The following DCST1 variants were observed in gnomAD, a reference collection of about 807,000 sequenced individuals.
DCST1 encodes the protein E3 ubiquitin-protein ligase DCST1.
In DCST1, 78 loss-of-function variants were observed where a neutral mutation model predicts 89.1. The observed-to-expected ratio is 0.88, with a 90% CI of 0.73 to 1.06. The LOEUF is 1.06. DCST1 is among the 50% of genes least tolerant of loss of function. The pLI is 0.00. For missense variants in DCST1, 900 were observed against 928.6 expected, an observed-to-expected ratio of 0.97 and a Z score of 0.40; for synonymous variants, 364 against 371.9, an observed-to-expected ratio of 0.98 and a Z score of 0.24.
At chr1:155,034,178 C>A (rs1660193778) in intron 2 of DCST1, 81 bp downstream of exon 2, 2 of 1,579,864 alleles carry the variant, frequency 1.3e-6, no homozygotes, top group Admixed American at 3.4e-5. Flanking sequence ...TGCACACTAT[C>A]CCCCAACTCG....
chr1:155,047,565 C>T (rs1391325121), intron 14 of DCST1, among the ~76,000 whole-genome samples: 1 of 152,244 alleles, frequency 6.6e-6, no homozygotes, highest in Non-Finnish European at 1.5e-5. Flanking sequence ...CAGAGCAGCA[C>T]TGTCCAACAG....
chr1:155,048,665 C>T (rs1660743337), intron 16 of DCST1, among the ~76,000 whole-genome samples: 1 of 152,194 alleles, frequency 6.6e-6, no homozygotes, highest in African/African-American at 2.4e-5. Context: ...AAGGTCAGGG[C>T]TGTGCCCGTT....
At chr1:155,040,245 A>G (rs534562897) in intron 5 of DCST1, among the ~76,000 whole-genome samples, 1 of 145,734 alleles carries the variant, frequency 6.9e-6, no homozygotes, top group Admixed American at 6.9e-5. Flanking sequence ...GGAGGTTGCA[A>G]TGAGCAGAGA....
chr1:155,042,713 G>C, intron 8 of DCST1, 22 bp from the exon 9 acceptor site: 2 of 1,613,904 alleles, frequency 1.2e-6, no homozygotes, highest in Non-Finnish European at 1.7e-6. Flanking sequence ...GGAGGCCCCT[G>C]ACCCCGTCCA....
Position 155,046,239 on chromosome 1 carries a change from G to A in DCST1, c.1368+19G>A, listed in dbSNP as rs747309106. The A allele has an allele frequency of 3.7e-6, 6 of 1,614,102 alleles. No individual in the cohort carries two copies. The Admixed American group carries it at 6.7e-5, about 18-fold the overall frequency. On this transcript the variant is annotated intron_variant, in intron 12 of 16. Coordinates refer to ENST00000295542, the MANE Select transcript of DCST1 (RefSeq NM_152494.4). Reference sequence around the variant, plus strand: ...CAATGTGGTGAGGACAGCATGGGGAGCGGACTCCTGGGTGCAAAGACAGGC... The same window carrying A: ...CAATGTGGTGAGGACAGCATGGGGAACGGACTCCTGGGTGCAAAGACAGGC...
At chr1:155,047,613 C>G (rs983199392) in intron 14 of DCST1, among the ~76,000 whole-genome samples, 174 bp from the exon 15 acceptor site, 1 of 152,222 alleles carries the variant, frequency 6.6e-6, no homozygotes. Context: ...AGATCTGTGC[C>G]ACATTGGGCC....
At chr1:155,035,628 TA>T (rs1042601839) in intron 4 of DCST1, among the ~76,000 whole-genome samples, 1 of 151,192 alleles carries the variant, frequency 6.6e-6, no homozygotes, top group Admixed American at 6.6e-5. Flanking sequence ...CAGAAAAAAA[TA>T]AAAAAAGAGG....
chr1:155,043,293 T>C (rs1660490698), intron 9 of DCST1, 59 bp from the exon 10 acceptor site: 1 of 1,611,390 alleles, frequency 6.2e-7, no homozygotes, highest in Non-Finnish European at 8.5e-7. Context: ...CATGAAGAGG[T>C]GGGACCCAGG....
intron 4 of DCST1, among the ~76,000 whole-genome samples, chr1:155,036,494 C>A (rs184628679): frequency 0.027 from 4,165 of 152,318 alleles, 185 homozygotes; most frequent in African/African-American, 0.095. Flanking sequence ...CCCTCCCCAT[C>A]CCTTGCGCCC....
chr1:155,042,852 T>A lies in DCST1; in HGVS notation c.1010T>A (p.Phe337Tyr). Residue 337 changes from phenylalanine to tyrosine, a missense_variant, in exon 9 of 17, where the codon TTC becomes TAC. Coordinates refer to ENST00000295542, the MANE Select transcript of DCST1 (RefSeq NM_152494.4). Reference sequence around the variant, plus strand: ...GGGGAATTTTCAGCCAATATTGACTTCAAGGTAGAAGGCAAGGGCGAGGGT... The same window carrying A: ...GGGGAATTTTCAGCCAATATTGACTACAAGGTAGAAGGCAAGGGCGAGGGT... ...LDGEFSANIDFKEEKQAGVLG... is the reference protein window; with the variant it reads ...LDGEFSANIDYKEEKQAGVLG... 1.2e-6 allele frequency: 2 copies of A among 1,614,050 alleles called. No homozygotes were observed. Among genetic ancestry groups the A allele is most frequent in the East Asian group, 4.5e-5 (2 of 44,868 alleles).
In DCST1 at chr1:155,048,880, G is replaced by C. The variant is rs1660751773; in HGVS notation, c.1869+710G>C. The stretch of plus-strand genomic sequence containing the variant: ...GCAGTTCAAGGGACAGGAGGAGGCA[G>C]GTGGGCTGGGAGTCAGGAAGGCCTC... On this transcript the variant is annotated intron_variant, in intron 16 of 16. Transcript: ENST00000295542. 1.1e-5 allele frequency: 7 copies of C among 624,354 alleles called. No homozygotes were observed. The South Asian group carries it at 1.3e-4, about 12-fold the overall frequency. 38.7% of individuals were successfully genotyped at this position (624,354 alleles called of 1,614,324 possible).
chr1:155,038,083 T>C (rs1366301386), intron 4 of DCST1, among the ~76,000 whole-genome samples: 1 of 151,888 alleles, frequency 6.6e-6, no homozygotes, highest in Non-Finnish European at 1.5e-5. Flanking sequence ...CCCGACAGGG[T>C]TTGCCACAAA....
Position 155,046,448 on chromosome 1 carries a change from C to A in DCST1, c.1457C>A (p.Thr486Asn). Reference sequence around the variant, plus strand: ...TGGGCTCTCTACTCCATCTTCGACACCATCCGCCACCACTCCTTCCTGCAG... The same window carrying A: ...TGGGCTCTCTACTCCATCTTCGACAACATCCGCCACCACTCCTTCCTGCAG... The part of the protein sequence containing the change: ...LDWALYSIFD[T>N]IRHHSFLQYS... Residue 486 changes from threonine to asparagine, a missense_variant, in exon 13 of 17, where the codon ACC (threonine) becomes AAC (asparagine). By Grantham distance (65) the Thr-to-Asn change is moderately conservative. Coordinates refer to ENST00000295542, the MANE Select transcript of DCST1 (RefSeq NM_152494.4). 6.2e-7 allele frequency: 1 copy of A among 1,614,052 alleles called. No individual in the cohort carries two copies. Among genetic ancestry groups the A allele is most frequent in the African/African-American group, 1.3e-5 (1 of 74,958 alleles).
At chr1:155,048,247 TC>T in intron 16 of DCST1, 77 bp downstream of exon 16, 1 of 1,190,084 alleles carries the variant, frequency 8.4e-7, no homozygotes, top group Non-Finnish European at 1.2e-6. Context: ...CTCCCTTCAG[TC>T]CACCCAGCAC....
intron 1 of DCST1, 48 bp from the exon 2 acceptor site, chr1:155,033,924 C>A: frequency 6.9e-7 from 1 of 1,440,462 alleles, no homozygotes; most frequent in Non-Finnish European, 9.7e-7. Flanking sequence ...CAGGCCTAGG[C>A]TTCCCATGAA....
rs1385347334 is a variant in DCST1, at chr1:155,047,400, G to A, written c.1612+88G>A. 3.3e-6 allele frequency: 4 copies of A among 1,221,658 alleles called. No individual in the cohort carries two copies. In the African/African-American group the frequency reaches 6.0e-5, roughly 18 times the overall value. The allele number at this position is 1,221,658 out of a possible 1,614,324, so 75.7% of individuals were successfully genotyped here. A position where few individuals can be genotyped will look rare whatever the true frequency, so the allele number is the denominator to read the frequency against. ...TCCAAGGTAAAGAGTTAGGGGCCTGGGCCTTGGGTGTGGAGAGATGGGGGT... is the reference window on the plus strand; with the variant it reads ...TCCAAGGTAAAGAGTTAGGGGCCTGAGCCTTGGGTGTGGAGAGATGGGGGT... On this transcript the variant is annotated intron_variant, in intron 14 of 16. Coordinates refer to ENST00000295542, the MANE Select transcript of DCST1 (RefSeq NM_152494.4).
chr1:155,050,459 G>C (rs948326609), intron 16 of DCST1, 158 bp from the exon 17 acceptor site: 7 of 968,200 alleles, frequency 7.2e-6, no homozygotes, highest in Non-Finnish European at 1.0e-5. Context: ...GTTGGGGAGG[G>C]AGGCACCCTC....
In DCST1 at chr1:155,043,403, A is replaced by AGC. The variant is rs1239646037; in HGVS notation, c.1067_1068dup (p.Thr357AlafsTer98). The stretch of plus-strand genomic sequence containing the variant: ...GCTCAACACAAGCTGGGAGCGCGTG[A>AGC]GCACCGAGGTGCGGGACTACGTGTA... On this transcript the variant is annotated frameshift_variant, in exon 10 of 17. Coordinates refer to ENST00000295542, the MANE Select transcript of DCST1 (RefSeq NM_152494.4). LOFTEE classifies it high-confidence loss of function. 1.2e-6 allele frequency: 2 copies of AGC among 1,613,876 alleles called. No homozygotes were observed. Among genetic ancestry groups the AGC allele is most frequent in the Non-Finnish European group, 1.7e-6 (2 of 1,179,966 alleles).
chr1:155,047,922 T>A lies in DCST1; in HGVS notation c.1748T>A (p.Phe583Tyr), dbSNP rs1275031615. ...CGGAGGGTCATCGCAGCCTTCTACT[T>A]CCCCAAGGTTTGCCCCTCCCCAGAC... Reference protein sequence around the residue: ...RLRRVIAAFYFPKREKKRILF... With the variant: ...RLRRVIAAFYYPKREKKRILF... The change falls in exon 15 of 17, where the codon TTC becomes TAC. Residue 583 changes from phenylalanine (F) to tyrosine (Y), a missense_variant. Coordinates refer to ENST00000295542, the MANE Select transcript of DCST1 (RefSeq NM_152494.4). 1.9e-6 allele frequency: 3 copies of A among 1,613,868 alleles called. No individual in the cohort carries two copies. Among genetic ancestry groups the A allele is most frequent in the Non-Finnish European group, 2.5e-6 (3 of 1,179,956 alleles).
Sources: allele counts gnomAD v4.1 joint callset (sites outside exome capture counted in the v4.1 genomes callset), GRCh38; gene constraint gnomAD v4.1.1; transcripts MANE v1.5; gene names NCBI Gene and HGNC (gene_info 2026-07-23, HGNC 2026-07-21).